PTCD3: variants seen among roughly 807,000 people sequenced by gnomAD.
PTCD3 encodes the protein small ribosomal subunit protein mS39.
In PTCD3, 89 loss-of-function variants were observed where a neutral mutation model predicts 101.9. The observed-to-expected ratio is 0.87, with a 90% CI of 0.74 to 1.04. PTCD3 has a LOEUF of 1.04. PTCD3 is among the 50% of genes least tolerant of loss of function. The pLI is 0.00. For missense variants in PTCD3, 870 were observed against 828.2 expected (o/e 1.05, Z -0.62); for synonymous variants, 296 against 278.5 (o/e 1.06, Z -0.63).
chr2:86,115,464 AG>A lies in PTCD3; in HGVS notation c.241-1063del, dbSNP rs2104450294. On this transcript the variant is annotated intron_variant, in intron 4 of 23. Transcript: ENST00000254630. ...TCAAATAAAAACTGAAGTTCACAACAGGGCTGCTAAGGTGAGGCTCAAGGGA... is the reference window on the plus strand; with the variant it reads ...TCAAATAAAAACTGAAGTTCACAACAGGCTGCTAAGGTGAGGCTCAAGGGA... Among the ~76,000 whole-genome samples the A allele has an allele frequency of 1.3e-5, 2 of 152,282 alleles. 1 individual carries two copies. The highest frequency in any genetic ancestry group is 4.1e-4 in the South Asian group (2 of 4,826).
chr2:86,136,582 C>G lies in PTCD3; in HGVS notation c.1820+20C>G. The G allele has an allele frequency of 1.9e-6, 3 of 1,607,654 alleles. No individual in the cohort carries two copies. Among genetic ancestry groups the G allele is most frequent in the Non-Finnish European group, 2.6e-6 (3 of 1,174,140 alleles). On this transcript the variant is annotated intron_variant, in intron 22 of 23. Coordinates refer to ENST00000254630, the MANE Select transcript of PTCD3 (RefSeq NM_017952.6). The stretch of plus-strand genomic sequence containing the variant: ...TCCTAGGTAAGTTGAAATCAGCCAG[C>G]TCTCTTTGGGTACAGCCTGGAAGTA...
chr2:86,112,615 G>A (rs1211942559), intron 4 of PTCD3, among the ~76,000 whole-genome samples: 2 of 141,964 alleles, frequency 1.4e-5, no homozygotes, highest in African/African-American at 5.3e-5. Flanking sequence ...CTGGGAGGCA[G>A]AAGTTGCAGT....
At chr2:86,112,681 C>T (rs1189099265) in intron 4 of PTCD3, among the ~76,000 whole-genome samples, 1 of 81,308 alleles carries the variant, frequency 1.2e-5, no homozygotes, top group Non-Finnish European at 2.5e-5. Context: ...GACTCTGTCT[C>T]AAAAAAAAAA....
At chr2:86,136,014 T>C (rs1447537937) in intron 21 of PTCD3, 3 of 519,180 alleles carry the variant, frequency 5.8e-6, no homozygotes, top group South Asian at 4.2e-5. Flanking sequence ...CTGCACTTCA[T>C]AACAGAATTC....
chr2:86,136,300 ACTG>A (rs1237609779), intron 21 of PTCD3, among the ~76,000 whole-genome samples: 5 of 152,116 alleles, frequency 3.3e-5, no homozygotes, highest in Non-Finnish European at 7.4e-5. Flanking sequence ...ACCTGTGAAA[ACTG>A]CAGTGTAGAT....
rs759112070 is a variant in PTCD3, at chr2:86,106,262, T to G, written c.15T>G (p.Ser5=). Residue 5 remains serine (S), a synonymous_variant, in exon 1 of 24, where the codon TCT becomes TCG. Transcript: ENST00000254630. ...AGAAATCAAAGATGGCGGTTGTATC[T>G]GCTGTTCGCTGGCTGGGCCTCCGCA... MAVV[S]AVRWLGLRSR... 26 of 1,613,958 alleles carry G rather than the reference T, an allele frequency of 1.6e-5. No individual in the cohort carries two copies. Among genetic ancestry groups the G allele is most frequent in the Non-Finnish European group, 2.1e-5 (25 of 1,179,992 alleles).
At chr2:86,123,924 T>C (rs73947608) in intron 9 of PTCD3, among the ~76,000 whole-genome samples, 162 bp downstream of exon 9, 1,890 of 152,314 alleles carry the variant, frequency 0.012, 43 homozygotes, top group African/African-American at 0.042. Flanking sequence ...TTAGACCGTT[T>C]TTCAATAAGG....
In PTCD3 at chr2:86,139,901, G is replaced by A. The variant is rs561437833; in HGVS notation, c.*2342G>A. On this transcript the variant is annotated 3_prime_UTR_variant, in exon 24 of 24. Transcript: ENST00000254630. ...TAAACTTGCTCAGTGTTGCCACAGA[G>A]TTACATTACCAATGTGTAGAAGTCA... The A allele has an allele frequency of 1.3e-5, 2 of 152,136 alleles. No individual in the cohort carries two copies. Among genetic ancestry groups the A allele is most frequent in the Non-Finnish European group, 2.9e-5 (2 of 68,006 alleles). 9.4% of individuals were successfully genotyped at this position (152,136 alleles called of 1,614,324 possible).
chr2:86,137,642 A>T lies in PTCD3; in HGVS notation c.*83A>T. On this transcript the variant is annotated 3_prime_UTR_variant, in exon 24 of 24. Coordinates refer to ENST00000254630, the MANE Select transcript of PTCD3 (RefSeq NM_017952.6). The stretch of plus-strand genomic sequence containing the variant: ...GAACTGAGATATACCAATATTTAAC[A>T]TTGTTACAAAGAAGAAAAGATACAG... 1 of 1,568,786 alleles carries T rather than the reference A, an allele frequency of 6.4e-7. No homozygotes were observed. The highest frequency in any genetic ancestry group is 8.6e-7 in the Non-Finnish European group (1 of 1,156,290).
At chr2:86,128,378 G>T (rs1187088959) in intron 14 of PTCD3, among the ~76,000 whole-genome samples, 1 of 151,884 alleles carries the variant, frequency 6.6e-6, no homozygotes, top group African/African-American at 2.4e-5. Context: ...GATTGTACTG[G>T]CAGTGATGTT....
rs543759305 is a variant in PTCD3, at chr2:86,131,985, ATAACT to A, written c.1267-326_1267-322del. ...CAACCAGTATTTCATAGTAAGAACC[ATAACT>A]TAACTTTCCTGTGGGTAGATTTTGG... On this transcript the variant is annotated intron_variant, in intron 16 of 23. Transcript: ENST00000254630. 2.5e-4 allele frequency among the ~76,000 whole-genome samples: 38 copies of A among 152,354 alleles called. 1 individual carries two copies. Among genetic ancestry groups the A allele is most frequent in the African/African-American group, 8.9e-4 (37 of 41,582 alleles).
Position 86,121,528 on chromosome 2 carries a change from T to C in PTCD3, c.588T>C (p.Cys196=). ...CAAATAGTCTCTTGGATTTATTGTG[T>C]TACTATGGTGACCAGGAGCCCTCAA... is the stretch of plus-strand genomic sequence containing the variant. The part of the protein sequence containing the change: ...ETTNSLLDLL[C]YYGDQEPSTD... The change falls in exon 8 of 24, where the codon TGT becomes TGC. Residue 196 remains cysteine (C), a synonymous_variant. Coordinates refer to ENST00000254630, the MANE Select transcript of PTCD3 (RefSeq NM_017952.6). 1 of 1,611,848 alleles carries C rather than the reference T, an allele frequency of 6.2e-7. No homozygotes were observed. The highest frequency in any genetic ancestry group is 8.5e-7 in the Non-Finnish European group (1 of 1,178,946).
intron 10 of PTCD3, 106 bp downstream of exon 10, chr2:86,125,188 C>G (rs1674361105): frequency 2.0e-6 from 3 of 1,496,522 alleles, no homozygotes; most frequent in Non-Finnish European, 1.8e-6. Context: ...GGGGTCTGTC[C>G]TGTGCATTGT....
intron 7 of PTCD3, among the ~76,000 whole-genome samples, chr2:86,120,013 T>G (rs1339852288): frequency 6.6e-6 from 1 of 152,216 alleles, no homozygotes; most frequent in Non-Finnish European, 1.5e-5. Flanking sequence ...TGGTGGAAAC[T>G]GGACTGAATC....
At chr2:86,115,025 A>G (rs897303855) in intron 4 of PTCD3, among the ~76,000 whole-genome samples, 12 of 152,202 alleles carry the variant, frequency 7.9e-5, no homozygotes, top group South Asian at 4.1e-4. Context: ...ACTGGCTGGC[A>G]TATATTATAC....
intron 15 of PTCD3, 132 bp downstream of exon 15, chr2:86,130,869 A>G (rs1674483758): frequency 4.8e-6 from 7 of 1,446,970 alleles, no homozygotes; most frequent in Admixed American, 5.9e-5. Context: ...ATTTGAGTAC[A>G]TAGTAGGTGT....
In PTCD3 at chr2:86,106,260, T is replaced by G; in HGVS notation, c.13T>G (p.Ser5Ala). The G allele has an allele frequency of 6.2e-7, 1 of 1,614,100 alleles. No homozygotes were observed. The highest frequency in any genetic ancestry group is 1.1e-5 in the South Asian group (1 of 91,034). MAVV[S>A]AVRWLGLRSR... ...AGAGAAATCAAAGATGGCGGTTGTA[T>G]CTGCTGTTCGCTGGCTGGGCCTCCG... Residue 5 changes from serine to alanine, a missense_variant, in exon 1 of 24, where the codon TCT (serine) becomes GCT (alanine). Physicochemically the swap from Ser to Ala is moderately conservative, Grantham distance 99 (BLOSUM62 1). Transcript: ENST00000254630.
In PTCD3 at chr2:86,134,860, T is replaced by C. The variant is rs1330695252; in HGVS notation, c.1651T>C (p.Cys551Arg). 3 of 1,614,178 alleles carry C rather than the reference T, an allele frequency of 1.9e-6. No homozygotes were observed. The South Asian group carries it at 3.3e-5, about 18-fold the overall frequency. ...TCAGCTTCAGGTGGCATTTGCTGACTGTGCTGCTGATATCAAATCTGCGTA... is the reference window on the plus strand; with the variant it reads ...TCAGCTTCAGGTGGCATTTGCTGACCGTGCTGCTGATATCAAATCTGCGTA... ...PPELQVAFAD[C>R]AADIKSAYES... Residue 551 changes from cysteine to arginine, a missense_variant, in exon 21 of 24, where the codon TGT becomes CGT. Cys to Arg is a radical substitution (Grantham distance 180). Transcript: ENST00000254630.
At chr2:86,121,674 T>A in intron 8 of PTCD3, 80 bp downstream of exon 8, 1 of 860,334 alleles carries the variant, frequency 1.2e-6, no homozygotes, top group Non-Finnish European at 1.8e-6. Context: ...AGATGGGTTG[T>A]TTTGCCATGT....
Sources: gnomAD v4.1 joint callset for allele counts (sites outside exome capture counted in the v4.1 genomes callset) on GRCh38, gnomAD v4.1.1 for gene constraint, MANE v1.5 for transcripts, NCBI Gene and HGNC (gene_info 2026-07-23, HGNC 2026-07-21) for gene names.